TP63: variants seen among roughly 807,000 people sequenced by gnomAD.
TP63 encodes tumor protein p63.
In TP63, 17 loss-of-function variants were observed where a neutral mutation model predicts 82.8. The observed-to-expected ratio is 0.21, with a 90% CI of 0.14 to 0.31. TP63 has a LOEUF of 0.31. Ranked by LOEUF, TP63 falls within the 10% of genes least tolerant of loss-of-function variation. The pLI, the probability that TP63 is intolerant of heterozygous loss-of-function variation, is 1.00. For synonymous variants in TP63, 330 were observed against 321.7 expected, an observed-to-expected ratio of 1.03 and a Z score of -0.28; for missense variants, 648 against 895.3, an observed-to-expected ratio of 0.72 and a Z score of 3.52.
At chr3:189,717,967 G>A (rs1300116248) in intron 1 of TP63, among the ~76,000 whole-genome samples, 1 of 152,180 alleles carries the variant, frequency 6.6e-6, no homozygotes, top group African/African-American at 2.4e-5. Context: ...CAGACTCCAA[G>A]AATCTAAAAT....
At chr3:189,643,303 A>G (rs1218470377) in intron 1 of TP63, among the ~76,000 whole-genome samples, 1 of 152,128 alleles carries the variant, frequency 6.6e-6, no homozygotes, top group African/African-American at 2.4e-5. Flanking sequence ...ACCCGGCCCC[A>G]GACAGCCAAG....
chr3:189,857,227 T>C (rs945054696), intron 4 of TP63, among the ~76,000 whole-genome samples: 1 of 152,092 alleles, frequency 6.6e-6, no homozygotes, highest in African/African-American at 2.4e-5. Flanking sequence ...TGAACACATA[T>C]GACCAATTGA....
At chr3:189,880,165 C>A in intron 10 of TP63, 2 of 1,613,368 alleles carry the variant, frequency 1.2e-6, no homozygotes. Flanking sequence ...CCAAACCGAT[C>A]AGTGTACCCA....
chr3:189,673,152 T>A (rs1279433594), intron 1 of TP63, among the ~76,000 whole-genome samples: 1 of 152,098 alleles, frequency 6.6e-6, no homozygotes, highest in Non-Finnish European at 1.5e-5. Context: ...CAGAATTTAA[T>A]AAATAACAAT....
At chr3:189,618,009 C>T in the TP63 span, among the ~76,000 whole-genome samples, 1 of 152,188 alleles carries the variant, frequency 6.6e-6, no homozygotes, top group African/African-American at 2.4e-5. Context: ...ACCCAATATA[C>T]AGTTACTCAA....
chr3:189,614,671 C>T, the TP63 span, among the ~76,000 whole-genome samples: 8 of 152,202 alleles, frequency 5.3e-5, no homozygotes, highest in African/African-American at 1.9e-4. Flanking sequence ...ATACTGGATT[C>T]GGGACAGAGG....
chr3:189,762,779 T>G (rs4284956), intron 3 of TP63, among the ~76,000 whole-genome samples: 2 of 152,030 alleles, frequency 1.3e-5, no homozygotes, highest in Non-Finnish European at 2.9e-5. Context: ...AGGAGTGCAG[T>G]GTTTAAAAGA....
chr3:189,703,375 A>G (rs1243280089), intron 1 of TP63, among the ~76,000 whole-genome samples: 3 of 152,026 alleles, frequency 2.0e-5, no homozygotes, highest in African/African-American at 7.2e-5. Context: ...GTAGTGAGCC[A>G]AGATCGTGCC....
chr3:189,646,616 C>G (rs1430630649), intron 1 of TP63, among the ~76,000 whole-genome samples: 2 of 146,620 alleles, frequency 1.4e-5, no homozygotes, highest in Admixed American at 1.3e-4. Context: ...CCCCCACCAC[C>G]ATACACCTTT....
At chr3:189,668,130 G>T (rs1017520789) in intron 1 of TP63, among the ~76,000 whole-genome samples, 1 of 151,960 alleles carries the variant, frequency 6.6e-6, no homozygotes, top group Admixed American at 6.6e-5. Context: ...GCATTGCACA[G>T]ATATGTTCAA....
chr3:189,856,561 G>A (rs1214069045), intron 4 of TP63, among the ~76,000 whole-genome samples: 2 of 151,944 alleles, frequency 1.3e-5, no homozygotes, highest in African/African-American at 4.8e-5. Context: ...AGATTTGAAA[G>A]GAAGAAGTAA....
At chr3:189,688,313 T>G (rs1177462278) in intron 1 of TP63, among the ~76,000 whole-genome samples, 1 of 152,216 alleles carries the variant, frequency 6.6e-6, no homozygotes, top group African/African-American at 2.4e-5. Flanking sequence ...TCTTACAAAT[T>G]CAGAAATGTT....
intron 4 of TP63, among the ~76,000 whole-genome samples, chr3:189,826,513 C>T (rs911211371): frequency 2.6e-5 from 4 of 152,056 alleles, no homozygotes; most frequent in African/African-American, 7.2e-5. Flanking sequence ...AAATAGAATA[C>T]GAAGGAACTA....
intron 10 of TP63, among the ~76,000 whole-genome samples, chr3:189,878,430 C>T (rs1719493230): frequency 6.9e-6 from 1 of 145,210 alleles, no homozygotes; most frequent in Non-Finnish European, 1.5e-5. Flanking sequence ...GCTCTGTCAC[C>T]CAGGCTAGAG....
intron 1 of TP63, among the ~76,000 whole-genome samples, chr3:189,673,564 G>A (rs867517284): frequency 5.9e-5 from 9 of 151,950 alleles, no homozygotes; most frequent in South Asian, 2.1e-4. Flanking sequence ...TGTATAGGTC[G>A]TTAACAACTG....
rs1350754803 is a variant in TP63 at position 189,858,273 on chromosome 3, C to CATA, written c.580-5959_580-5958insATA. Among the ~76,000 whole-genome samples the CATA allele has an allele frequency of 3.0e-4, 18 of 60,568 alleles. 6 individuals are homozygous for CATA. The highest frequency in any genetic ancestry group is 8.8e-4 in the African/African-American group (10 of 11,360). 39.7% of individuals were successfully genotyped at this position (60,568 alleles called of 152,430 possible). On this transcript the variant is annotated intron_variant, in intron 4 of 13. Transcript: ENST00000264731. ...ACAAAAAATTAGCCGGGCGAGGTGG[C>CATA]GGGCGCCTGTAGTCCCAGCTACTCG...
rs2108637332 is a variant in TP63 at position 189,808,331 on chromosome 3, C to T, written c.384C>T (p.Ser128=). 6 of 1,614,192 alleles carry T rather than the reference C, an allele frequency of 3.7e-6. No homozygotes were observed. The highest frequency in any genetic ancestry group is 5.1e-6 in the Non-Finnish European group (6 of 1,180,036). Residue 128 remains serine, a synonymous_variant, in exon 4 of 14, where the codon TCC becomes TCT. Coordinates refer to ENST00000264731, the MANE Select transcript of TP63 (RefSeq NM_003722.5). ...TGGACCAGCAGATTCAGAACGGCTC[C>T]TCGTCCACCAGTCCCTATAACACAG... ...NSMDQQIQNG[S]SSTSPYNTDH...
intron 1 of TP63, among the ~76,000 whole-genome samples, chr3:189,686,261 C>A (rs769593733): frequency 6.6e-5 from 10 of 152,016 alleles, no homozygotes; most frequent in Non-Finnish European, 1.2e-4. Context: ...TTTTATGAGA[C>A]AAAACTTATA....
chr3:189,609,576 C>T, the TP63 span, among the ~76,000 whole-genome samples: 1 of 151,980 alleles, frequency 6.6e-6, no homozygotes, highest in Non-Finnish European at 1.5e-5. Flanking sequence ...TTGTTTCCTT[C>T]TTTGTGTATA....
Sources: gnomAD v4.1 joint callset for allele counts (sites outside exome capture counted in the v4.1 genomes callset) on GRCh38, gnomAD v4.1.1 for gene constraint, MANE v1.5 for transcripts, NCBI Gene and HGNC (gene_info 2026-07-23, HGNC 2026-07-21) for gene names.